VRK2: variants seen among roughly 807,000 people sequenced by gnomAD.
VRK2 encodes the protein VRK serine/threonine kinase 2.
A neutral mutation model predicts 57.6 loss-of-function variants in VRK2; 60 were observed. The ratio of observed to expected loss-of-function variants is 1.04; its 90% CI spans 0.85 to 1.29. VRK2 has a LOEUF of 1.29. Ranked by LOEUF, VRK2 falls within the 50% of genes most tolerant of loss-of-function variation. The pLI is 0.00. For synonymous variants in VRK2, 231 were observed against 199.2 expected (o/e 1.16, Z -1.35); for missense variants, 705 against 588.1 (o/e 1.20, Z -2.06).
chr2:58,122,954 T>C, intron 7 of VRK2, 147 bp from the exon 8 acceptor site: 1 of 939,938 alleles, frequency 1.1e-6, no homozygotes, highest in Non-Finnish European at 1.5e-6. Context: ...CCCCCAGTTG[T>C]ACATATTTTA....
At chr2:58,139,219 C>A (rs983847567) in intron 10 of VRK2, among the ~76,000 whole-genome samples, 8 of 151,922 alleles carry the variant, frequency 5.3e-5, no homozygotes, top group African/African-American at 1.9e-4. Flanking sequence ...AAAATCAAAG[C>A]CTTAATTAAA....
intron 1 of VRK2, among the ~76,000 whole-genome samples, chr2:57,938,562 T>C (rs887803061): frequency 2.6e-5 from 4 of 152,218 alleles, no homozygotes; most frequent in African/African-American, 9.6e-5. Flanking sequence ...AGATTGATGC[T>C]GATTGAAATA....
chr2:58,005,693 G>C lies in VRK2; in HGVS notation c.-438-19972G>C, dbSNP rs542427074. On this transcript the variant is annotated intron_variant, in intron 1 of 15. Transcript: ENST00000417641. ...TCAGTAAAAACATTCAGTGAGATAG[G>C]AGGTAAACATTTTCTCACTTTGGTA... 3.7e-4 allele frequency among the ~76,000 whole-genome samples: 56 copies of C among 152,260 alleles called. No individual in the cohort carries two copies. The South Asian group carries it at 0.012, about 32-fold the overall frequency.
chr2:58,007,518 T>C (rs973251853), intron 1 of VRK2, among the ~76,000 whole-genome samples: 1 of 152,210 alleles, frequency 6.6e-6, no homozygotes, highest in East Asian at 1.9e-4. Flanking sequence ...TACTTCCACA[T>C]AATAAATACT....
rs1451930126 is a variant in VRK2 at position 58,136,979 on chromosome 2, ATC to A, written c.856+1781_856+1782del. On this transcript the variant is annotated intron_variant, in intron 10 of 12. Transcript: ENST00000340157. ...TGTGTATATATATCATATATTATAT[ATC>A]ATATATATGTGTATATATCATATAT... Among the ~76,000 whole-genome samples, 97 of 134,836 alleles carry A rather than the reference ATC, an allele frequency of 7.2e-4. 2 individuals carry two copies. In the Admixed American group the frequency reaches 7.7e-3, roughly 11 times the overall value. 88.5% of individuals were successfully genotyped at this position (134,836 alleles called of 152,430 possible). A position where few individuals can be genotyped will look rare whatever the true frequency, so the allele number is the denominator to read the frequency against.
intron 10 of VRK2, among the ~76,000 whole-genome samples, chr2:58,136,163 A>G (rs1679977793): frequency 6.6e-6 from 1 of 152,188 alleles, no homozygotes; most frequent in Admixed American, 6.5e-5. Flanking sequence ...AAAGGAAAGA[A>G]TAAGCCAGTT....
chr2:58,159,010 CTTAAGA>C (rs1202413346), intron 12 of VRK2, among the ~76,000 whole-genome samples: 2 of 152,082 alleles, frequency 1.3e-5, no homozygotes, highest in African/African-American at 4.8e-5. Context: ...ATCTTACCCC[CTTAAGA>C]TTAAGCCCAA....
chr2:57,939,355 T>C (rs542174539), intron 1 of VRK2, among the ~76,000 whole-genome samples: 2 of 152,312 alleles, frequency 1.3e-5, no homozygotes, highest in East Asian at 3.9e-4. Flanking sequence ...ATTCTTGTTT[T>C]GTAAAGGGCT....
intron 2 of VRK2, among the ~76,000 whole-genome samples, chr2:58,030,298 C>T (rs1674073665): frequency 1.3e-5 from 2 of 152,056 alleles, no homozygotes; most frequent in South Asian, 4.1e-4. Context: ...TTAGGTGTTT[C>T]ATTTATTCAT....
At chr2:58,144,034 T>C (rs10199064) in intron 11 of VRK2, among the ~76,000 whole-genome samples, 5,272 of 150,640 alleles carry the variant, frequency 0.035, 312 homozygotes, top group African/African-American at 0.12. Flanking sequence ...TATACATATA[T>C]ACACACACAC....
chr2:58,001,890 CCA>C (rs1673100719), intron 1 of VRK2, among the ~76,000 whole-genome samples: 1 of 152,030 alleles, frequency 6.6e-6, no homozygotes, highest in South Asian at 2.1e-4. Flanking sequence ...TTCTTCCATT[CCA>C]CAACCTCTTT....
In VRK2 at chr2:58,101,699, C is replaced by T. The variant is rs116211671; in HGVS notation, c.543+11976C>T. On this transcript the variant is annotated intron_variant, in intron 7 of 12. Transcript: ENST00000340157. ...TTTATCTCTCATAGCCTCTGTCTGACTCACTGGGTAGAACTGGTTGTTAGC... is the reference window on the plus strand; with the variant it reads ...TTTATCTCTCATAGCCTCTGTCTGATTCACTGGGTAGAACTGGTTGTTAGC... 7.4e-4 allele frequency among the ~76,000 whole-genome samples: 112 copies of T among 151,788 alleles called. 1 individual carries two copies. The highest frequency in any genetic ancestry group is 3.4e-3 in the Middle Eastern group (1 of 294).
intron 12 of VRK2, among the ~76,000 whole-genome samples, chr2:58,148,882 C>A (rs1052847219): frequency 4.0e-5 from 6 of 151,832 alleles, no homozygotes; most frequent in Non-Finnish European, 8.9e-5. Flanking sequence ...CAACACCACA[C>A]TGCATCAATT....
At chr2:58,024,847 G>A (rs1673874578) in intron 1 of VRK2, among the ~76,000 whole-genome samples, 1 of 152,174 alleles carries the variant, frequency 6.6e-6, no homozygotes, top group Non-Finnish European at 1.5e-5. Flanking sequence ...GCAATTTTAT[G>A]AGAAGAATCC....
At chr2:58,049,036 T>C (rs1675308964) in intron 2 of VRK2, 69 bp downstream of exon 2, 8 of 1,535,232 alleles carry the variant, frequency 5.2e-6, no homozygotes, top group Non-Finnish European at 7.0e-6. Context: ...CTTAGTGGTA[T>C]TTTAAGAATG....
At chr2:57,916,895 T>C (rs1466313544) in intron 1 of VRK2, among the ~76,000 whole-genome samples, 1 of 152,198 alleles carries the variant, frequency 6.6e-6, no homozygotes, top group African/African-American at 2.4e-5. Context: ...ATAAGGATCA[T>C]AGTAGTATCT....
chr2:57,950,846 C>A (rs541912182), intron 1 of VRK2, among the ~76,000 whole-genome samples: 2 of 152,278 alleles, frequency 1.3e-5, no homozygotes, highest in East Asian at 3.9e-4. Flanking sequence ...GTAATCCCAG[C>A]ACTTTGAGAG....
At chr2:57,964,469 G>T (rs941930400) in intron 1 of VRK2, among the ~76,000 whole-genome samples, 2 of 151,876 alleles carry the variant, frequency 1.3e-5, no homozygotes, top group Admixed American at 1.3e-4. Context: ...GAGGTAGAAG[G>T]GAGACAGGAA....
intron 2 of VRK2, among the ~76,000 whole-genome samples, chr2:58,029,804 G>A (rs1278501708): frequency 6.6e-6 from 1 of 152,050 alleles, no homozygotes; most frequent in Non-Finnish European, 1.5e-5. Context: ...GTATCTAGAT[G>A]AAGAAGGCAC....
Sources: allele counts gnomAD v4.1 joint callset (sites outside exome capture counted in the v4.1 genomes callset), GRCh38; gene constraint gnomAD v4.1.1; transcripts MANE v1.5; gene names NCBI Gene and HGNC (gene_info 2026-07-23, HGNC 2026-07-21).